Variants in TMEM232 observed in about 807,000 individuals in gnomAD.
TMEM232 encodes the protein transmembrane protein 232.
A neutral mutation model predicts 78.8 loss-of-function variants in TMEM232; 80 were observed. That is an observed-to-expected ratio of 1.01 (90% CI 0.85 to 1.22). The LOEUF (loss-of-function observed/expected upper bound fraction) is 1.22. Among genes scored for constraint, TMEM232 ranks in the 50% most tolerant of loss-of-function variants. The probability of loss-of-function intolerance (pLI) is 0.00; values close to 1 mark genes in which losing one functional copy is unlikely to be tolerated. For missense variants in TMEM232, 881 were observed against 742.2 expected (o/e 1.19, Z -2.17); for synonymous variants, 297 against 254.3 (o/e 1.17, Z -1.60).
At chr5:110,398,474 G>A (rs1755474364) in intron 2 of TMEM232, among the ~76,000 whole-genome samples, 1 of 152,138 alleles carries the variant, frequency 6.6e-6, no homozygotes, top group African/African-American at 2.4e-5. Context: ...CAGAGGCTAT[G>A]GTTGGTGCCA....
intron 8 of TMEM232, among the ~76,000 whole-genome samples, chr5:110,607,480 A>C (rs534075844): frequency 3.0e-4 from 46 of 152,050 alleles, no homozygotes; most frequent in Non-Finnish European, 5.9e-4. Context: ...TTTGTTCAAA[A>C]TGGCAATATG....
intron 12 of TMEM232, among the ~76,000 whole-genome samples, chr5:110,472,327 A>C (rs557567703): frequency 9.2e-5 from 14 of 152,100 alleles, no homozygotes; most frequent in Admixed American, 2.0e-4. Flanking sequence ...CCTTGGAATA[A>C]ATTTAACTAA....
At position 110,460,560 on chromosome 5, in the gene TMEM232, A is replaced by T. The variant is rs925162900; in HGVS notation, c.1704-35644T>A. Among the ~76,000 whole-genome samples, 4 of 152,118 alleles carry T rather than the reference A, an allele frequency of 2.6e-5. No homozygotes were observed. In the East Asian group the frequency reaches 7.7e-4, roughly 29 times the overall value. ...AAATCAATTTTGGGACACTAAAAAT[A>T]TTGCCTTTAAGTATAATTTGCCACT... On this transcript the variant is annotated intron_variant, in intron 12 of 13. Coordinates refer to ENST00000455884, the MANE Select transcript of TMEM232 (RefSeq NM_001039763.4).
intron 1 of TMEM232, among the ~76,000 whole-genome samples, chr5:110,704,613 G>C (rs530374069): frequency 2.0e-5 from 3 of 152,030 alleles, no homozygotes; most frequent in African/African-American, 7.2e-5. Flanking sequence ...AATTAATATG[G>C]AAGTAGGGCA....
chr5:110,675,285 T>A (rs1791887356), intron 1 of TMEM232, among the ~76,000 whole-genome samples: 1 of 152,062 alleles, frequency 6.6e-6, no homozygotes, highest in Non-Finnish European at 1.5e-5. Flanking sequence ...CCTCAAGTGA[T>A]CTGCCTGCCT....
At chr5:110,504,844 C>T (rs992084179) in intron 12 of TMEM232, among the ~76,000 whole-genome samples, 2 of 152,222 alleles carry the variant, frequency 1.3e-5, no homozygotes, top group East Asian at 3.8e-4. Context: ...CAGACACACC[C>T]ATAGTAATGT....
intron 3 of TMEM232, among the ~76,000 whole-genome samples, chr5:110,394,703 A>C (rs1430771945): frequency 2.0e-5 from 3 of 152,204 alleles, no homozygotes; most frequent in African/African-American, 7.2e-5. Flanking sequence ...CTGGTCATTC[A>C]GGAGCATATT....
At chr5:110,484,974 T>C (rs1460715469) in intron 12 of TMEM232, among the ~76,000 whole-genome samples, 1 of 151,772 alleles carries the variant, frequency 6.6e-6, no homozygotes, top group African/African-American at 2.4e-5. Flanking sequence ...AAAAAAAAAA[T>C]TGAAAAACAG....
intron 2 of TMEM232, among the ~76,000 whole-genome samples, chr5:110,645,839 GAACT>G (rs111716257): frequency 0.044 from 6,622 of 151,398 alleles, 493 homozygotes; most frequent in African/African-American, 0.15. Flanking sequence ...AAATCTCTTA[GAACT>G]AATAAATGAA....
intron 12 of TMEM232, among the ~76,000 whole-genome samples, chr5:110,468,260 A>AAAAT (rs946868342): frequency 3.3e-5 from 5 of 152,118 alleles, no homozygotes; most frequent in African/African-American, 9.7e-5. Flanking sequence ...CTTCCCAGTG[A>AAAAT]AAATAAATAA....
rs1368831332 is a variant in TMEM232, at chr5:110,605,202, T to C, written c.1183A>G (p.Ile395Val). 7 of 1,550,990 alleles carry C rather than the reference T, an allele frequency of 4.5e-6. No individual in the cohort carries two copies. In the East Asian group the frequency reaches 7.4e-5, roughly 16 times the overall value. The change falls in exon 10 of 14, where the codon ATT (isoleucine) becomes GTT (valine). Residue 395 changes from isoleucine to valine, a missense_variant. Coordinates refer to ENST00000455884, the MANE Select transcript of TMEM232 (RefSeq NM_001039763.4). ...FCHCKSSQKNILYLDKSVPPE... is the reference protein window; with the variant it reads ...FCHCKSSQKNVLYLDKSVPPE... The stretch of plus-strand genomic sequence containing the variant: ...GGTACTGATTTGTCCAAGTATAAAA[T>C]ATTTTTTTGTGAACTTTTACAGTGA...
intron 1 of TMEM232, among the ~76,000 whole-genome samples, chr5:110,686,787 T>G: frequency 6.6e-6 from 1 of 151,846 alleles, no homozygotes; most frequent in African/African-American, 2.4e-5. Context: ...TGTACGAAAA[T>G]AAAAAATAAA....
chr5:110,395,440 G>A (rs1440205812), intron 3 of TMEM232, among the ~76,000 whole-genome samples: 2 of 152,024 alleles, frequency 1.3e-5, no homozygotes, highest in Non-Finnish European at 1.5e-5. Context: ...AATTAAGCTC[G>A]ATTCTTCTTA....
At chr5:110,609,349 A>T (rs1781896381) in intron 8 of TMEM232, among the ~76,000 whole-genome samples, 1 of 152,042 alleles carries the variant, frequency 6.6e-6, no homozygotes, top group South Asian at 2.1e-4. Flanking sequence ...TTCTTGAAAC[A>T]CAGCAGCCTT....
chr5:110,469,725 C>T (rs563656695), intron 12 of TMEM232, among the ~76,000 whole-genome samples: 2 of 152,290 alleles, frequency 1.3e-5, no homozygotes, highest in African/African-American at 4.8e-5. Flanking sequence ...TCAGCCTGAG[C>T]TGAAATGACA....
intron 12 of TMEM232, among the ~76,000 whole-genome samples, chr5:110,433,126 T>G (rs1454220540): frequency 6.6e-6 from 1 of 151,716 alleles, no homozygotes; most frequent in Non-Finnish European, 1.5e-5. Flanking sequence ...ACTTGACCAA[T>G]TGGACCTAAT....
At chr5:110,444,530 T>C (rs950672466) in intron 12 of TMEM232, among the ~76,000 whole-genome samples, 10 of 152,144 alleles carry the variant, frequency 6.6e-5, no homozygotes, top group African/African-American at 2.4e-4. Flanking sequence ...AATCAAGTAC[T>C]ATGGTTCTTG....
chr5:110,496,946 G>A (rs1765709904), intron 12 of TMEM232, among the ~76,000 whole-genome samples: 1 of 152,004 alleles, frequency 6.6e-6, no homozygotes, highest in Non-Finnish European at 1.5e-5. Flanking sequence ...TCTACAGAGT[G>A]CTGTATTTGG....
intron 2 of TMEM232, among the ~76,000 whole-genome samples, chr5:110,666,172 T>C (rs113757927): frequency 1.3e-5 from 2 of 152,310 alleles, no homozygotes; most frequent in African/African-American, 2.4e-5. Flanking sequence ...TTGAAATTTG[T>C]TTAAATGCAG....
Sources: allele counts gnomAD v4.1 joint callset (sites outside exome capture counted in the v4.1 genomes callset), GRCh38; gene constraint gnomAD v4.1.1; transcripts MANE v1.5; gene names NCBI Gene and HGNC (gene_info 2026-07-23, HGNC 2026-07-21).